OGG1: variants seen among roughly 807,000 people sequenced by gnomAD.
OGG1 encodes the protein 8-oxoguanine DNA glycosylase.
OGG1 carries 35 observed loss-of-function variants against 42.3 expected under a neutral mutation model. The observed-to-expected ratio is 0.83, with a 90% CI of 0.63 to 1.10. The LOEUF is 1.10. Among genes scored for constraint, OGG1 ranks in the 50% least tolerant of loss-of-function variants. The probability of loss-of-function intolerance (pLI) is 0.00; values close to 1 mark genes in which losing one functional copy is unlikely to be tolerated. For missense variants in OGG1, 484 were observed against 446.7 expected, an observed-to-expected ratio of 1.08 and a Z score of -0.75; for synonymous variants, 189 against 179.0, an observed-to-expected ratio of 1.06 and a Z score of -0.44.
At chr3:9,789,405 G>T, downstream of OGG1, 1 of 1,058,878 alleles carries the variant, frequency 9.4e-7, no homozygotes, top group Non-Finnish European at 1.4e-6. Context: ...AGACTGGGCA[G>T]GGTTGGGGAA....
downstream of OGG1, among the ~76,000 whole-genome samples, chr3:9,769,220 C>T (rs142343726): frequency 3.7e-3 from 563 of 151,986 alleles, 1 homozygote; most frequent in Non-Finnish European, 6.0e-3. Context: ...CACATCCACC[C>T]GCACCCACAC....
downstream of OGG1, chr3:9,761,387 G>GAGGA: frequency 6.8e-7 from 1 of 1,475,848 alleles, no homozygotes; most frequent in Non-Finnish European, 9.2e-7. Context: ...AGGGAGAGCA[G>GAGGA]AGGAAGGAAG....
intron 2 of OGG1, 66 bp from the exon 3 acceptor site, chr3:9,751,704 G>A: frequency 6.8e-7 from 1 of 1,473,336 alleles, no homozygotes; most frequent in African/African-American, 1.4e-5. Flanking sequence ...GATCTGACCT[G>A]TGGGTGGGAA....
At chr3:9,753,183 C>G (rs2077380790) in intron 3 of OGG1, among the ~76,000 whole-genome samples, 1 of 151,944 alleles carries the variant, frequency 6.6e-6, no homozygotes, top group Non-Finnish European at 1.5e-5. Flanking sequence ...GAAACCCGCT[C>G]TCTGCTAAAA....
intron 3 of OGG1, among the ~76,000 whole-genome samples, chr3:9,786,121 A>G (rs1168456036): frequency 6.6e-6 from 1 of 151,924 alleles, no homozygotes; most frequent in Non-Finnish European, 1.5e-5. Context: ...TTGTATTTTT[A>G]GTAGAGACGG....
At chr3:9,757,658 C>G (rs925189909), downstream of OGG1, 25 of 1,613,972 alleles carry the variant, frequency 1.5e-5, no homozygotes, top group African/African-American at 4.0e-5. The surrounding 1 kb of genome is among the most constrained non-coding windows in gnomAD (Gnocchi z 4.5). Flanking sequence ...GCCGCAGGGG[C>G]AGGCCCTCCA....
chr3:9,778,741 C>T (rs2078397321), intron 2 of OGG1, among the ~76,000 whole-genome samples: 1 of 152,196 alleles, frequency 6.6e-6, no homozygotes, highest in African/African-American at 2.4e-5. Flanking sequence ...TACATGCCTG[C>T]TTCTGGGACT....
At chr3:9,750,554 C>A in intron 1 of OGG1, 131 bp downstream of exon 1, 1 of 1,293,722 alleles carries the variant, frequency 7.7e-7, no homozygotes, top group Non-Finnish European at 1.1e-6. Context: ...GAAACAAGCA[C>A]GGGTAGCCAA....
chr3:9,769,539 A>G (rs1364198444), downstream of OGG1, among the ~76,000 whole-genome samples: 1 of 152,064 alleles, frequency 6.6e-6, no homozygotes, highest in Non-Finnish European at 1.5e-5. Context: ...ACACTCCGCA[A>G]GCCCCCCCAC....
chr3:9,753,321 G>A (rs159151), intron 3 of OGG1, among the ~76,000 whole-genome samples: 19,084 of 137,108 alleles, frequency 0.14, 1,576 homozygotes, highest in Non-Finnish European at 0.19. Flanking sequence ...TCCAGCCTGG[G>A]CGACAGGGCG....
rs542599639 is a variant in OGG1, at chr3:9,750,942, C to G, written c.138-3C>G. On this transcript the variant is annotated splice_region_variant and splice_polypyrimidine_tract_variant and intron_variant, in intron 1 of 6. Transcript: ENST00000344629. ...CCAGGGTTGTCATGTGCCTTGGGCT[C>G]AGGTGGAGGGAGCAAAGTCCTGCAC... The G allele has an allele frequency of 2.5e-5, 40 of 1,613,842 alleles. No homozygotes were observed. The highest frequency in any genetic ancestry group is 3.2e-5 in the Non-Finnish European group (38 of 1,179,972).
At position 9,764,634 on chromosome 3, in the gene OGG1, T is replaced by TTG. The variant is rs1559702330; in HGVS notation, c.1049-1174_1049-1173insGT. ...GCGTTTTTGTTTTTTTTTTGTTTTTTTTTTTTTTTTTGAGATGGAGTTTTG... is the reference window on the plus strand; with the variant it reads ...GCGTTTTTGTTTTTTTTTTGTTTTTTTGTTTTTTTTTTTGAGATGGAGTTTTG... On this transcript the variant is annotated intron_variant, in intron 7 of 7. Coordinates refer to the OGG1 transcript ENST00000302008. 2.9e-3 allele frequency among the ~76,000 whole-genome samples: 425 copies of TTG among 147,702 alleles called. 8 individuals carry two copies. Among genetic ancestry groups the TTG allele is most frequent in the African/African-American group, 0.01 (409 of 40,284 alleles).
rs368552823 is a variant in OGG1, at chr3:9,773,807, C to G, written c.295-7706C>G. Among the ~76,000 whole-genome samples the G allele has an allele frequency of 3.9e-5, 6 of 152,096 alleles. No individual in the cohort carries two copies. In the East Asian group the frequency reaches 9.7e-4, roughly 24 times the overall value. Reference sequence around the variant, plus strand: ...TCCCAGGCTGGAGTGATCATCCCACCTCAGCCTCCGGAGTAGCTGGGGCTG... The same window carrying G: ...TCCCAGGCTGGAGTGATCATCCCACGTCAGCCTCCGGAGTAGCTGGGGCTG... On this transcript the variant is annotated intron_variant, in intron 2 of 3. Coordinates refer to the OGG1 transcript ENST00000426518.
At chr3:9,756,871 T>G in intron 6 of OGG1, 55 bp downstream of exon 6, 1 of 1,612,584 alleles carries the variant, frequency 6.2e-7, no homozygotes, top group East Asian at 2.2e-5. Flanking sequence ...CCAGACCCAG[T>G]GGACTCTTCC....
At chr3:9,776,636 G>A (rs2600022) in intron 2 of OGG1, among the ~76,000 whole-genome samples, 5 of 152,084 alleles carry the variant, frequency 3.3e-5, no homozygotes, top group Admixed American at 6.6e-5. Flanking sequence ...TGATCCGCCC[G>A]CCTCGGCCTC....
chr3:9,750,713 C>A, intron 1 of OGG1: 1 of 693,420 alleles, frequency 1.4e-6, no homozygotes, highest in South Asian at 1.8e-5. Flanking sequence ...CCATTCCAGC[C>A]TCGACCCCCC....
chr3:9,759,405 C>T (rs2077739601), downstream of OGG1: 1 of 1,590,408 alleles, frequency 6.3e-7, no homozygotes, highest in Admixed American at 1.7e-5. Context: ...AGTGTGATGC[C>T]AGGTGCTGTG....
chr3:9,789,066 G>A (rs529329314), downstream of OGG1, among the ~76,000 whole-genome samples: 10 of 152,080 alleles, frequency 6.6e-5, no homozygotes, highest in South Asian at 2.1e-3. Flanking sequence ...AAATTCCTGA[G>A]CTCAAGCAAT....
rs1252682472 is a variant in OGG1 at position 9,754,659 on chromosome 3, A to G, written c.566-45A>G. On this transcript the variant is annotated intron_variant, in intron 3 of 6. Coordinates refer to ENST00000344629, the MANE Select transcript of OGG1 (RefSeq NM_002542.6). ...CACTTACTAGCCTAAGGACAGGAAG[A>G]ACTTGAAGATGCCTGATGCTTGCCC... The G allele has an allele frequency of 1.9e-6, 3 of 1,604,094 alleles. No homozygotes were observed. In the African/African-American group the frequency reaches 4.0e-5, roughly 21 times the overall value.
Sources: gnomAD v4.1 joint callset for allele counts (sites outside exome capture counted in the v4.1 genomes callset) on GRCh38, gnomAD v4.1.1 for gene constraint, Gnocchi (gnomAD v3.1) non-coding constraint, MANE v1.5 for transcripts, NCBI Gene and HGNC (gene_info 2026-07-23, HGNC 2026-07-21) for gene names.